DLG2: variants seen among roughly 807,000 people sequenced by gnomAD.
The protein encoded by DLG2 is discs large MAGUK scaffold protein 2.
DLG2 carries 45 observed loss-of-function variants against 132.5 expected under a neutral mutation model. That is an observed-to-expected ratio of 0.34 (90% CI 0.27 to 0.44). The LOEUF (loss-of-function observed/expected upper bound fraction) is 0.44. Ranked by LOEUF, DLG2 falls within the 20% of genes least tolerant of loss-of-function variation. The probability of loss-of-function intolerance (pLI) is 1.00; values close to 1 mark genes in which losing one functional copy is unlikely to be tolerated. For missense variants in DLG2, 1,045 were observed against 1,196.9 expected (o/e 0.87, Z 1.87); for synonymous variants, 424 against 419.6 (o/e 1.01, Z -0.13).
At chr11:85,430,335 T>G (rs2091085511) in intron 3 of DLG2, among the ~76,000 whole-genome samples, 1 of 151,340 alleles carries the variant, frequency 6.6e-6, no homozygotes, top group Non-Finnish European at 1.5e-5. Flanking sequence ...ACATGTACCC[T>G]AAAACTTAAA....
intron 11 of DLG2, among the ~76,000 whole-genome samples, chr11:84,016,890 T>C (rs940598806): frequency 6.6e-6 from 1 of 152,094 alleles, no homozygotes; most frequent in African/African-American, 2.4e-5. Context: ...TTATACTATG[T>C]TGCCTAAATA....
chr11:85,034,079 T>A (rs1053820568), intron 6 of DLG2, among the ~76,000 whole-genome samples: 1 of 59,842 alleles, frequency 1.7e-5, no homozygotes, highest in Admixed American at 1.8e-4. Context: ...ATATATTAGA[T>A]TTTTTTTTTT....
chr11:84,916,304 G>C (rs1443765934), intron 6 of DLG2, among the ~76,000 whole-genome samples: 1 of 118,076 alleles, frequency 8.5e-6, no homozygotes, highest in Non-Finnish European at 1.6e-5. Flanking sequence ...AGCCGAGATT[G>C]CGCCACTGCA....
intron 11 of DLG2, among the ~76,000 whole-genome samples, chr11:84,044,669 A>AGT (rs1174421315): frequency 6.6e-6 from 1 of 151,698 alleles, no homozygotes; most frequent in Non-Finnish European, 1.5e-5. Flanking sequence ...TCTAATTTGG[A>AGT]GTGTGGCTAG....
chr11:84,752,841 A>C (rs1424389448), intron 6 of DLG2, among the ~76,000 whole-genome samples: 2 of 148,176 alleles, frequency 1.3e-5, no homozygotes, highest in African/African-American at 5.0e-5. Flanking sequence ...TTCTTGCGAT[A>C]GTTTACTGAG....
chr11:85,020,650 C>T lies in DLG2; in HGVS notation c.357+91011G>A, dbSNP rs1156427041. The T allele has an allele frequency of 2.8e-5, 11 of 398,936 alleles. No individual in the cohort carries two copies. The East Asian group carries it at 6.5e-4, about 24-fold the overall frequency. The allele number at this position is 398,936 out of a possible 1,614,324, so 24.7% of individuals were successfully genotyped here. On this transcript the variant is annotated intron_variant, in intron 6 of 27. Coordinates refer to ENST00000376104, the MANE Select transcript of DLG2 (RefSeq NM_001142699.3). ...ATTTTTATACTGATCTTTGACAAAC[C>T]TGATACAAACAAGAAATGGGGAAAG...
chr11:85,144,987 T>C (rs2076746408), intron 5 of DLG2, among the ~76,000 whole-genome samples: 2 of 152,138 alleles, frequency 1.3e-5, no homozygotes, highest in Admixed American at 6.6e-5. Context: ...CTCTTTAGCA[T>C]TGCTCTTAGG....
chr11:84,220,087 C>T (rs976010242), intron 8 of DLG2, among the ~76,000 whole-genome samples: 6 of 152,128 alleles, frequency 3.9e-5, no homozygotes, highest in Admixed American at 3.9e-4. Context: ...AATAATCGTT[C>T]CCTCTATGGA....
At chr11:85,377,208 T>C (rs899253568) in intron 3 of DLG2, among the ~76,000 whole-genome samples, 1 of 152,170 alleles carries the variant, frequency 6.6e-6, no homozygotes, top group African/African-American at 2.4e-5. Flanking sequence ...AAAATATTAA[T>C]GCAAGTACAA....
chr11:84,838,860 T>C (rs771571612), intron 6 of DLG2, among the ~76,000 whole-genome samples: 3 of 152,082 alleles, frequency 2.0e-5, no homozygotes, highest in Non-Finnish European at 4.4e-5. Flanking sequence ...TTAAGAGCTA[T>C]GTATGACAAA....
intron 3 of DLG2, among the ~76,000 whole-genome samples, chr11:85,319,181 C>T (rs1261902080): frequency 6.6e-6 from 1 of 151,760 alleles, no homozygotes; most frequent in Non-Finnish European, 1.5e-5. Flanking sequence ...ATATAATATG[C>T]TATTTCTTAA....
At chr11:84,512,294 C>G (rs1031266827) in intron 7 of DLG2, among the ~76,000 whole-genome samples, 1 of 152,068 alleles carries the variant, frequency 6.6e-6, no homozygotes, top group Non-Finnish European at 1.5e-5. Flanking sequence ...CCACAGATTT[C>G]TGAGTAAACA....
At chr11:84,586,142 T>A (rs1411833416) in intron 6 of DLG2, among the ~76,000 whole-genome samples, 1 of 109,968 alleles carries the variant, frequency 9.1e-6, no homozygotes, top group Non-Finnish European at 1.8e-5. Flanking sequence ...CAGAGTGAGA[T>A]TCTGACTCAA....
chr11:84,723,019 T>G (rs1279987481), intron 6 of DLG2, among the ~76,000 whole-genome samples: 6 of 152,200 alleles, frequency 3.9e-5, no homozygotes, highest in Non-Finnish European at 7.4e-5. Flanking sequence ...CCTTTACCAT[T>G]TTATTCCTTT....
intron 10 of DLG2, among the ~76,000 whole-genome samples, chr11:84,075,123 T>C (rs1014340432): frequency 6.6e-6 from 1 of 152,120 alleles, no homozygotes; most frequent in Non-Finnish European, 1.5e-5. Context: ...CTAGCTCCTA[T>C]TTGTCATTAA....
chr11:84,904,690 T>C (rs2091301469), intron 6 of DLG2, among the ~76,000 whole-genome samples: 1 of 152,162 alleles, frequency 6.6e-6, no homozygotes, highest in Non-Finnish European at 1.5e-5. Context: ...TAAATGGTCA[T>C]TGTGAAGTTT....
chr11:84,923,175 C>G (rs2092840604), intron 6 of DLG2: 1 of 1,611,814 alleles, frequency 6.2e-7, no homozygotes, highest in African/African-American at 1.3e-5. Flanking sequence ...AGCGCAAGCC[C>G]CACACACACG....
intron 7 of DLG2, among the ~76,000 whole-genome samples, chr11:84,268,933 C>T (rs1036958156): frequency 6.6e-6 from 1 of 152,102 alleles, no homozygotes; most frequent in African/African-American, 2.4e-5. Flanking sequence ...CAGGGTGTGG[C>T]AAGCAGGATG....
At chr11:83,538,912 C>T (rs892907037) in intron 20 of DLG2, among the ~76,000 whole-genome samples, 2 of 152,182 alleles carry the variant, frequency 1.3e-5, no homozygotes, top group Non-Finnish European at 2.9e-5. Context: ...TTTGCTAGCT[C>T]TTATTTTTGT....
Sources: allele counts gnomAD v4.1 joint callset (sites outside exome capture counted in the v4.1 genomes callset), GRCh38; gene constraint gnomAD v4.1.1; transcripts MANE v1.5; gene names NCBI Gene and HGNC (gene_info 2026-07-23, HGNC 2026-07-21).